The following GLT8D1 variants were observed in gnomAD, a reference collection of about 807,000 sequenced individuals.
GLT8D1 encodes glycosyltransferase 8 domain-containing protein 1.
GLT8D1 carries 41 observed loss-of-function variants against 46.2 expected under a neutral mutation model. That is an observed-to-expected ratio of 0.89 (90% CI 0.69 to 1.15). The LOEUF is 1.15. GLT8D1 is among the 50% of genes most tolerant of loss of function. The pLI is 0.00. For missense variants in GLT8D1, 408 were observed against 449.3 expected (o/e 0.91, Z 0.83); for synonymous variants, 150 against 154.2 (o/e 0.97, Z 0.20).
At chr3:52,698,681 CAA>C (rs370719829) in intron 3 of GLT8D1, among the ~76,000 whole-genome samples, 9 of 115,140 alleles carry the variant, frequency 7.8e-5, no homozygotes, top group Admixed American at 9.0e-5. Context: ...AACTCCATCT[CAA>C]AAAAAAAAAA....
At position 52,705,762 on chromosome 3, in the gene GLT8D1, C is replaced by G; in HGVS notation, c.-352G>C. 1 of 1,119,900 alleles carries G rather than the reference C, an allele frequency of 8.9e-7. No individual in the cohort carries two copies. Among genetic ancestry groups the G allele is most frequent in the Non-Finnish European group, 1.1e-6 (1 of 870,188 alleles). The allele number at this position is 1,119,900 out of a possible 1,614,324, so 69.4% of individuals were successfully genotyped here. A position where few individuals can be genotyped will look rare whatever the true frequency, so the allele number is the denominator to read the frequency against. On this transcript the variant is annotated 5_prime_UTR_variant, in exon 1 of 10. Transcript: ENST00000266014. Reference sequence around the variant, plus strand: ...CGCCCAGCCAGCCCGCAGCGGTAACCGCTAGAGCGTCGCGCCAAGCAGGCG... The same window carrying G: ...CGCCCAGCCAGCCCGCAGCGGTAACGGCTAGAGCGTCGCGCCAAGCAGGCG...
At chr3:52,696,362 G>T (rs1259030968) in intron 5 of GLT8D1, 44 bp from the exon 6 acceptor site, 6 of 1,340,362 alleles carry the variant, frequency 4.5e-6, no homozygotes, top group Non-Finnish European at 5.4e-6. Context: ...CGCACTAGCT[G>T]TGCTTTTATT....
Position 52,705,669 on chromosome 3 carries a change from C to A in GLT8D1, c.-259G>T. 1 of 284,664 alleles carries A rather than the reference C, an allele frequency of 3.5e-6. No homozygotes were observed. Among genetic ancestry groups the A allele is most frequent in the South Asian group, 1.3e-4 (1 of 7,560 alleles). 17.6% of individuals were successfully genotyped at this position (284,664 alleles called of 1,614,324 possible). On this transcript the variant is annotated 5_prime_UTR_variant, in exon 1 of 10. Transcript: ENST00000266014. ...GAGCCCAGCCCGTTGTCTGGCCGCC[C>A]GCGTTCCCTGCACGCTGGGCCGAGC...
At chr3:52,702,512 C>T (rs2097340168) in intron 1 of GLT8D1, among the ~76,000 whole-genome samples, 1 of 152,040 alleles carries the variant, frequency 6.6e-6, no homozygotes. Context: ...TGCCACTGCA[C>T]TCCAGCCTGG....
At chr3:52,703,766 C>T (rs780167919) in intron 1 of GLT8D1, 4 of 152,176 alleles carry the variant, frequency 2.6e-5, no homozygotes, top group Non-Finnish European at 4.4e-5. Context: ...AAGGCAGAAA[C>T]CAGTTGCTCC....
chr3:52,701,001 G>T (rs555374807), intron 1 of GLT8D1, among the ~76,000 whole-genome samples: 1 of 152,214 alleles, frequency 6.6e-6, no homozygotes, highest in Non-Finnish European at 1.5e-5. Flanking sequence ...GGCAACAGAG[G>T]TTGCAGTGAG....
At position 52,694,544 on chromosome 3, in the gene GLT8D1, C is replaced by A. The variant is rs1348411386; in HGVS notation, c.*301G>T. ...AGGCCACAGGTTACAAAATTAAAAC[C>A]AACAGCAGTTTTGAATTATCTGTAC... is the stretch of plus-strand genomic sequence containing the variant. On this transcript the variant is annotated 3_prime_UTR_variant, in exon 10 of 10. Transcript: ENST00000266014. 5.2e-6 allele frequency: 3 copies of A among 579,664 alleles called. No homozygotes were observed. The highest frequency in any genetic ancestry group is 9.2e-6 in the Non-Finnish European group (3 of 327,548). 35.9% of individuals were successfully genotyped at this position (579,664 alleles called of 1,614,324 possible).
At chr3:52,705,417 A>T (rs1347506052) in intron 1 of GLT8D1, 30 bp downstream of exon 1, 1 of 152,396 alleles carries the variant, frequency 6.6e-6, no homozygotes, top group African/African-American at 2.4e-5. Context: ...AGCCCCCCTA[A>T]ATTCCAAGGG....
intron 9 of GLT8D1, 42 bp downstream of exon 9, chr3:52,695,148 C>T: frequency 6.7e-7 from 1 of 1,496,446 alleles, no homozygotes; most frequent in South Asian, 1.1e-5. Flanking sequence ...TCTTTAGATA[C>T]CAATTCTTTA....
rs1206946990 is a variant in GLT8D1 at position 52,694,772 on chromosome 3, CA to C, written c.*72del. 2 of 1,044,322 alleles carry C rather than the reference CA, an allele frequency of 1.9e-6. No homozygotes were observed. Among genetic ancestry groups the C allele is most frequent in the Non-Finnish European group, 3.0e-6 (2 of 665,442 alleles). 64.7% of individuals were successfully genotyped at this position (1,044,322 alleles called of 1,614,324 possible). The stretch of plus-strand genomic sequence containing the variant: ...GCTACCGATAGGCATTGAAGCCTAG[CA>C]ACTGTTACTTCCCACGCATGCTATC... On this transcript the variant is annotated 3_prime_UTR_variant, in exon 10 of 10. Coordinates refer to ENST00000266014, the MANE Select transcript of GLT8D1 (RefSeq NM_018446.4).
intron 3 of GLT8D1, among the ~76,000 whole-genome samples, chr3:52,698,924 G>A (rs2097336776): frequency 6.6e-6 from 1 of 152,050 alleles, no homozygotes; most frequent in Non-Finnish European, 1.5e-5. Flanking sequence ...GTATGTACAT[G>A]TGCTACATGT....
rs769913999 is a variant in GLT8D1, at chr3:52,697,895, G to A, written c.155C>T (p.Pro52Leu). 1.1e-5 allele frequency: 18 copies of A among 1,613,450 alleles called. No individual in the cohort carries two copies. The highest frequency in any genetic ancestry group is 1.1e-5 in the Non-Finnish European group (13 of 1,179,478). Residue 52 changes from proline (P) to leucine (L), a missense_variant, in exon 4 of 10, where the codon CCA becomes CTA. By Grantham distance (98) the Pro-to-Leu change is moderately conservative. Transcript: ENST00000266014. ...IVGPQPIDFV[P>L]NALRHAVDGR... is the part of the protein sequence containing the mutation. The stretch of plus-strand genomic sequence containing the variant: ...ATCTACTGCATGTCGGAGAGCATTT[G>A]GGACAAAGTCTATAGGTTGAGGCCC...
chr3:52,695,651 C>A, intron 7 of GLT8D1, 64 bp from the exon 8 acceptor site: 1 of 972,402 alleles, frequency 1.0e-6, no homozygotes, highest in South Asian at 1.5e-5. Context: ...ATTTTATAGC[C>A]AGTAGAGAGA....
Position 52,697,743 on chromosome 3 carries a change from T to C in GLT8D1, c.307A>G (p.Asn103Asp). The C allele has an allele frequency of 6.2e-7, 1 of 1,608,944 alleles. No individual in the cohort carries two copies. Among genetic ancestry groups the C allele is most frequent in the Non-Finnish European group, 8.5e-7 (1 of 1,175,262 alleles). Reference protein sequence around the residue: ...SNVIFYIVTLNNTADHLRSWL... With the variant: ...SNVIFYIVTLDNTADHLRSWL... The stretch of plus-strand genomic sequence containing the variant: ...CACCGGAGATGGTCTGCTGTATTGT[T>C]GAGAGTAACAATGTAGAAAATCACA... The change falls in exon 4 of 10, where the codon AAC becomes GAC. Residue 103 changes from asparagine to aspartate, a missense_variant. Physicochemically the swap from Asn to Asp is conservative, Grantham distance 23. Coordinates refer to ENST00000266014, the MANE Select transcript of GLT8D1 (RefSeq NM_018446.4).
intron 3 of GLT8D1, among the ~76,000 whole-genome samples, chr3:52,699,683 C>G (rs1026499823): frequency 6.6e-6 from 1 of 152,128 alleles, no homozygotes; most frequent in Non-Finnish European, 1.5e-5. Context: ...ACATGCATTA[C>G]TTTATATGTA....
At position 52,695,013 on chromosome 3, in the gene GLT8D1, ATATCGT is replaced by A; in HGVS notation, c.942_947del (p.Lys314_Tyr316delinsAsn). The stretch of plus-strand genomic sequence containing the variant: ...TGGCAGCCTTTACAAACTGAGGTGA[ATATCGT>A]TTTCCAGCACTGGAACCTTACATTT... On this transcript the variant is annotated inframe_deletion, in exon 10 of 10. Transcript: ENST00000266014. 4 of 1,612,386 alleles carry A rather than the reference ATATCGT, an allele frequency of 2.5e-6. No individual in the cohort carries two copies. The highest frequency in any genetic ancestry group is 3.4e-6 in the Non-Finnish European group (4 of 1,178,366).
At chr3:52,695,389 G>C in intron 8 of GLT8D1, 32 bp downstream of exon 8, 1 of 1,602,486 alleles carries the variant, frequency 6.2e-7, no homozygotes, top group Non-Finnish European at 8.5e-7. Flanking sequence ...AAATACAACA[G>C]TTTTTCACAG....
At chr3:52,704,834 C>CA (rs1186475569) in intron 1 of GLT8D1, 3 of 152,462 alleles carry the variant, frequency 2.0e-5, no homozygotes, top group South Asian at 2.1e-4. Flanking sequence ...CTCCCTCTCC[C>CA]AGGGCTAATC....
chr3:52,704,092 C>A (rs2097341601), intron 1 of GLT8D1, among the ~76,000 whole-genome samples: 1 of 152,060 alleles, frequency 6.6e-6, no homozygotes, highest in Non-Finnish European at 1.5e-5. Flanking sequence ...ATATTACAGT[C>A]AGCCCTCTGT....
Sources: gnomAD v4.1 joint callset for allele counts (sites outside exome capture counted in the v4.1 genomes callset) on GRCh38, gnomAD v4.1.1 for gene constraint, MANE v1.5 for transcripts, NCBI Gene and HGNC (gene_info 2026-07-23, HGNC 2026-07-21) for gene names.